Variants in PHACTR2 observed in about 807,000 individuals in gnomAD.
PHACTR2 encodes the protein chromosome 6 open reading frame 56.
PHACTR2 carries 30 observed loss-of-function variants against 76.0 expected under a neutral mutation model. The ratio of observed to expected loss-of-function variants is 0.39; its 90% CI spans 0.30 to 0.54. PHACTR2 has a LOEUF of 0.54. PHACTR2 is among the 20% of genes least tolerant of loss of function. The pLI, the probability that PHACTR2 is intolerant of heterozygous loss-of-function variation, is 0.61. For missense variants in PHACTR2, 696 were observed against 781.1 expected, an observed-to-expected ratio of 0.89 and a Z score of 1.30; for synonymous variants, 292 against 292.5, an observed-to-expected ratio of 1.00 and a Z score of 0.02.
intron 2 of PHACTR2, among the ~76,000 whole-genome samples, chr6:143,740,968 G>A (rs1354194153): frequency 6.6e-6 from 1 of 152,252 alleles, no homozygotes; most frequent in Admixed American, 6.5e-5. Context: ...TAATTGCTTA[G>A]CTGAGCGCAG....
At chr6:143,703,707 T>G (rs114279078) in intron 1 of PHACTR2, among the ~76,000 whole-genome samples, 1 of 152,336 alleles carries the variant, frequency 6.6e-6, no homozygotes, top group African/African-American at 2.4e-5. Flanking sequence ...ATTACCTTAA[T>G]GCCGATTATT....
chr6:143,592,246 T>C lies in PHACTR2; in HGVS notation c.217+55039T>C, dbSNP rs545511188. 1.3e-5 allele frequency among the ~76,000 whole-genome samples: 2 copies of C among 152,338 alleles called. No individual in the cohort carries two copies. The highest frequency in any genetic ancestry group is 4.8e-5 in the African/African-American group (2 of 41,572). On this transcript the variant is annotated intron_variant, in intron 1 of 11. Transcript: ENST00000367584. The surrounding 1 kb of genome is among the most constrained non-coding windows in gnomAD (Gnocchi z 4.0). ...AGGCATATGGGATGGGGGCTTCCATTTGTGTACTTGCCCCAGTCCCTACAA... is the reference window on the plus strand; with the variant it reads ...AGGCATATGGGATGGGGGCTTCCATCTGTGTACTTGCCCCAGTCCCTACAA...
chr6:143,657,739 T>C (rs1339578018), intron 1 of PHACTR2, among the ~76,000 whole-genome samples: 1 of 152,310 alleles, frequency 6.6e-6, no homozygotes, highest in South Asian at 2.1e-4. Context: ...GGCGTGAGAT[T>C]GTCTGTCAGT....
rs566370611 is a variant in PHACTR2 at position 143,661,132 on chromosome 6, C to T, written c.14-50884C>T. Reference sequence around the variant, plus strand: ...AAAAATTCATAGTAAAATTTGCATACAATGAAAAACTCTAGATGAAGTAAG... The same window carrying T: ...AAAAATTCATAGTAAAATTTGCATATAATGAAAAACTCTAGATGAAGTAAG... On this transcript the variant is annotated intron_variant, in intron 1 of 11. Coordinates refer to the PHACTR2 transcript ENST00000305766. Among the ~76,000 whole-genome samples, 5 of 152,150 alleles carry T rather than the reference C, an allele frequency of 3.3e-5. No homozygotes were observed. In the South Asian group the frequency reaches 1.0e-3, roughly 32 times the overall value.
rs1468533410 is a variant in PHACTR2, at chr6:143,624,121, TG to T, written c.13+15800del. Among the ~76,000 whole-genome samples, 1 of 152,198 alleles carries T rather than the reference TG, an allele frequency of 6.6e-6. No homozygotes were observed. Among genetic ancestry groups the T allele is most frequent in the Non-Finnish European group, 1.5e-5 (1 of 68,042 alleles). On this transcript the variant is annotated intron_variant, in intron 1 of 11. Transcript: ENST00000305766. This position sits in a 1 kb window ranked among gnomAD's most constrained non-coding sequence, Gnocchi z 4.6. ...TTGTTGTTTTTTTTGTTTGTTTGTTTGTTTTTAGACAGTATTGCTCTTTTGC... is the reference window on the plus strand; with the variant it reads ...TTGTTGTTTTTTTTGTTTGTTTGTTTTTTTTAGACAGTATTGCTCTTTTGC...
At chr6:143,590,093 C>G (rs1775672913) in intron 1 of PHACTR2, among the ~76,000 whole-genome samples, 1 of 152,070 alleles carries the variant, frequency 6.6e-6, no homozygotes, top group Admixed American at 6.5e-5. Context: ...TTTACTGGTT[C>G]TTAGTGATAA....
chr6:143,713,952 GT>G (rs1336551715), intron 2 of PHACTR2, among the ~76,000 whole-genome samples: 1 of 152,084 alleles, frequency 6.6e-6, no homozygotes, highest in Non-Finnish European at 1.5e-5. Flanking sequence ...TCATACATTA[GT>G]TTTTTTCACA....
chr6:143,584,080 C>A (rs1363964037), intron 1 of PHACTR2, among the ~76,000 whole-genome samples: 1 of 152,198 alleles, frequency 6.6e-6, no homozygotes, highest in Non-Finnish European at 1.5e-5. Flanking sequence ...GCTGTTAATA[C>A]CTCCTAAGCC....
rs1011817533 is a variant in PHACTR2 at position 143,647,476 on chromosome 6, C to A, written c.13+39154C>A. Among the ~76,000 whole-genome samples, 4 of 152,322 alleles carry A rather than the reference C, an allele frequency of 2.6e-5. No homozygotes were observed. The highest frequency in any genetic ancestry group is 9.6e-5 in the African/African-American group (4 of 41,560). On this transcript the variant is annotated intron_variant, in intron 1 of 11. Coordinates refer to the PHACTR2 transcript ENST00000305766. The surrounding 1 kb of genome is among the most constrained non-coding windows in gnomAD (Gnocchi z 4.2). The stretch of plus-strand genomic sequence containing the variant: ...TCCCAGTGTAGTCTAGGTATACTAT[C>A]CATGGTGAAGAGGACAGCCTAGGTC...
rs1777344638 is a variant in PHACTR2, at chr6:143,679,808, A to G, written c.46+1599A>G. ...GCTATAATTCCAAATAAAATGACTG[A>G]TTATAATGAGAAACTGTAATCTACT... On this transcript the variant is annotated intron_variant, in intron 1 of 12. Transcript: ENST00000440869. The surrounding 1 kb of genome is among the most constrained non-coding windows in gnomAD (Gnocchi z 4.6). Among the ~76,000 whole-genome samples, 1 of 152,198 alleles carries G rather than the reference A, an allele frequency of 6.6e-6. No individual in the cohort carries two copies. The highest frequency in any genetic ancestry group is 2.4e-5 in the African/African-American group (1 of 41,456).
chr6:143,630,620 G>A (rs1776348365), intron 1 of PHACTR2, among the ~76,000 whole-genome samples: 1 of 152,158 alleles, frequency 6.6e-6, no homozygotes, highest in Non-Finnish European at 1.5e-5. Context: ...AAAAATCATG[G>A]TAATGAATTC....
chr6:143,669,844 GT>G (rs1256529792), intron 1 of PHACTR2, among the ~76,000 whole-genome samples: 3 of 151,926 alleles, frequency 2.0e-5, no homozygotes, highest in Admixed American at 1.3e-4. Context: ...CATTTAGTCT[GT>G]TTACATTTAA....
intron 3 of PHACTR2, among the ~76,000 whole-genome samples, chr6:143,752,166 T>C (rs1055087597): frequency 1.3e-5 from 2 of 152,134 alleles, no homozygotes; most frequent in Non-Finnish European, 2.9e-5. Context: ...AATATAATAA[T>C]GCTTAAAATA....
At chr6:143,814,223 G>A (rs1776248979) in intron 12 of PHACTR2, among the ~76,000 whole-genome samples, 1 of 152,140 alleles carries the variant, frequency 6.6e-6, no homozygotes, top group Admixed American at 6.5e-5. Context: ...GGGTGTGGTG[G>A]TACACATCTG....
At position 143,807,449 on chromosome 6, in the gene PHACTR2, A is replaced by T. The variant is rs950122131; in HGVS notation, c.1922+316A>T. ...TCCTTCAAGAACACTAAAACTAATC[A>T]TGCTGAATAAGAATTTCTAAAATTA... On this transcript the variant is annotated intron_variant, in intron 12 of 12. Coordinates refer to ENST00000440869, the MANE Select transcript of PHACTR2 (RefSeq NM_001100164.2). This position sits in a 1 kb window ranked among gnomAD's most constrained non-coding sequence, Gnocchi z 5.5. Among the ~76,000 whole-genome samples, 3 of 152,212 alleles carry T rather than the reference A, an allele frequency of 2.0e-5. No individual in the cohort carries two copies. The highest frequency in any genetic ancestry group is 4.4e-5 in the Non-Finnish European group (3 of 68,032).
chr6:143,709,559 TTGTC>T lies in PHACTR2; in HGVS notation c.47-2454_47-2451del, dbSNP rs1202991906. On this transcript the variant is annotated intron_variant, in intron 1 of 12. Coordinates refer to ENST00000440869, the MANE Select transcript of PHACTR2 (RefSeq NM_001100164.2). The surrounding 1 kb of genome is among the most constrained non-coding windows in gnomAD (Gnocchi z 4.4). ...TTGAAACCTTTGGTTTTAACTGGCTTTGTCTGACACCTCTATAGCAGGGGAAGCA... is the reference window on the plus strand; with the variant it reads ...TTGAAACCTTTGGTTTTAACTGGCTTTGACACCTCTATAGCAGGGGAAGCA... Among the ~76,000 whole-genome samples the T allele has an allele frequency of 6.6e-6, 1 of 152,218 alleles. No individual in the cohort carries two copies. The highest frequency in any genetic ancestry group is 1.5e-5 in the Non-Finnish European group (1 of 68,038).
chr6:143,668,046 T>C (rs567447246), intron 1 of PHACTR2, among the ~76,000 whole-genome samples: 1 of 152,348 alleles, frequency 6.6e-6, no homozygotes, highest in Admixed American at 6.5e-5. Context: ...TATTTTGAGA[T>C]ACGTTTTATC....
chr6:143,663,296 G>T lies in PHACTR2; in HGVS notation c.14-48720G>T, dbSNP rs1331673209. ...CTTCCAATTACATTTTTCATTCAAAGTTGCAGAGCACTCTCTCAACATGCT... is the reference window on the plus strand; with the variant it reads ...CTTCCAATTACATTTTTCATTCAAATTTGCAGAGCACTCTCTCAACATGCT... On this transcript the variant is annotated intron_variant, in intron 1 of 11. Transcript: ENST00000305766. The surrounding 1 kb of genome is among the most constrained non-coding windows in gnomAD (Gnocchi z 4.1). 2.6e-5 allele frequency among the ~76,000 whole-genome samples: 4 copies of T among 152,162 alleles called. No individual in the cohort carries two copies. The highest frequency in any genetic ancestry group is 9.7e-5 in the African/African-American group (4 of 41,448).
At chr6:143,661,566 T>C (rs978737151) in intron 1 of PHACTR2, among the ~76,000 whole-genome samples, 8 of 150,644 alleles carry the variant, frequency 5.3e-5, no homozygotes, top group Non-Finnish European at 7.4e-5. Context: ...TTCTTTCTTT[T>C]TTTTTTTTTT....
Sources: gnomAD v4.1 joint callset for allele counts (sites outside exome capture counted in the v4.1 genomes callset) on GRCh38, gnomAD v4.1.1 for gene constraint, Gnocchi (gnomAD v3.1) non-coding constraint, MANE v1.5 for transcripts, NCBI Gene and HGNC (gene_info 2026-07-23, HGNC 2026-07-21) for gene names.